The following PCDHGB4 variants were observed in gnomAD, a reference collection of about 807,000 sequenced individuals.
PCDHGB4 encodes the protein protocadherin gamma-B4.
A neutral mutation model predicts 60.5 loss-of-function variants in PCDHGB4; 38 were observed. That is an observed-to-expected ratio of 0.63 (90% confidence interval 0.48 to 0.82). The LOEUF is 0.82. Among genes scored for constraint, PCDHGB4 ranks in the 40% least tolerant of loss-of-function variants. The pLI is 0.00. For missense variants in PCDHGB4, 1,109 were observed against 1,209.6 expected (o/e 0.92, Z 1.23); for synonymous variants, 456 against 509.7 (o/e 0.89, Z 1.42).
intron 1 of PCDHGB4, among the ~76,000 whole-genome samples, chr5:141,435,698 A>G (rs954167256): frequency 1.3e-5 from 2 of 152,184 alleles, no homozygotes; most frequent in African/African-American, 4.8e-5. Context: ...CTTATTGTAG[A>G]GTGGTTACAG....
intron 1 of PCDHGB4, among the ~76,000 whole-genome samples, chr5:141,435,547 G>T (rs2097769325): frequency 6.6e-6 from 1 of 152,114 alleles, no homozygotes. Context: ...AACAAAATGT[G>T]TTTTGAGTGC....
chr5:141,485,279 C>T lies in PCDHGB4; in HGVS notation c.2398-9528C>T. 1 of 1,614,108 alleles carries T rather than the reference C, an allele frequency of 6.2e-7. No individual in the cohort carries two copies. Among genetic ancestry groups the T allele is most frequent in the Non-Finnish European group, 8.5e-7 (1 of 1,179,966 alleles). ...TTGTGGGCAGATCCGCTACCCGGTC[C>T]CAGAGGAGTCACAGGAAGGGACTTT... On this transcript the variant is annotated intron_variant, in intron 1 of 3. Transcript: ENST00000519479. The surrounding 1 kb of genome is among the most constrained non-coding windows in gnomAD (Gnocchi z 5.7).
rs1488446232 is a variant in PCDHGB4, at chr5:141,493,171, A to G, written c.2398-1636A>G. On this transcript the variant is annotated intron_variant, in intron 1 of 3. Coordinates refer to ENST00000519479, the MANE Select transcript of PCDHGB4 (RefSeq NM_003736.4). This position sits in a 1 kb window ranked among gnomAD's most constrained non-coding sequence, Gnocchi z 4.3. ...GGTGATTTTGATAGCTGATTGAGAG[A>G]AACTTACTATATAACTCCTTTGAGA... is the stretch of plus-strand genomic sequence containing the variant. 6.6e-6 allele frequency among the ~76,000 whole-genome samples: 1 copy of G among 152,214 alleles called. No homozygotes were observed. The highest frequency in any genetic ancestry group is 1.5e-5 in the Non-Finnish European group (1 of 68,034).
chr5:141,400,590 T>G (rs775174347), intron 1 of PCDHGB4: 2 of 1,604,848 alleles, frequency 1.2e-6, no homozygotes, highest in South Asian at 1.1e-5. Flanking sequence ...CATGAAACTA[T>G]CGTACATTTT....
chr5:141,407,847 T>C (rs1236964962), intron 1 of PCDHGB4, among the ~76,000 whole-genome samples: 2 of 152,224 alleles, frequency 1.3e-5, no homozygotes, highest in African/African-American at 4.8e-5. Context: ...TTGAGGGGGA[T>C]GTACACCTGC....
At chr5:141,398,228 G>A (rs2150736860) in intron 1 of PCDHGB4, 1 of 1,475,144 alleles carries the variant, frequency 6.8e-7, no homozygotes, top group East Asian at 2.5e-5. Flanking sequence ...GAGCAGATCC[G>A]CTACAGGATT....
At position 141,485,305 on chromosome 5, in the gene PCDHGB4, T is replaced by C. The variant is rs1344645695; in HGVS notation, c.2398-9502T>C. The C allele has an allele frequency of 3.7e-6, 6 of 1,614,000 alleles. No individual in the cohort carries two copies. In the East Asian group the frequency reaches 1.3e-4, roughly 36 times the overall value. Reference sequence around the variant, plus strand: ...CAGAGGAGTCACAGGAAGGGACTTTTGTAGGGAATGTCGCTCAAGATTTCC... The same window carrying C: ...CAGAGGAGTCACAGGAAGGGACTTTCGTAGGGAATGTCGCTCAAGATTTCC... On this transcript the variant is annotated intron_variant, in intron 1 of 3. Coordinates refer to ENST00000519479, the MANE Select transcript of PCDHGB4 (RefSeq NM_003736.4). This position sits in a 1 kb window ranked among gnomAD's most constrained non-coding sequence, Gnocchi z 5.7.
In PCDHGB4 at chr5:141,485,423, C is replaced by A; in HGVS notation, c.2398-9384C>A. On this transcript the variant is annotated intron_variant, in intron 1 of 3. Transcript: ENST00000519479. This position sits in a 1 kb window ranked among gnomAD's most constrained non-coding sequence, Gnocchi z 5.7. Reference sequence around the variant, plus strand: ...CCGTGTGGATTTGGACAGCGGAGCCCTGCTCATCAAGAACCCAATCGACCG... The same window carrying A: ...CCGTGTGGATTTGGACAGCGGAGCCATGCTCATCAAGAACCCAATCGACCG... 1 of 1,614,204 alleles carries A rather than the reference C, an allele frequency of 6.2e-7. No homozygotes were observed. The highest frequency in any genetic ancestry group is 8.5e-7 in the Non-Finnish European group (1 of 1,180,036).
intron 1 of PCDHGB4, among the ~76,000 whole-genome samples, chr5:141,461,126 T>C (rs575819058): frequency 6.6e-6 from 1 of 152,260 alleles, no homozygotes; most frequent in Non-Finnish European, 1.5e-5. Flanking sequence ...TTTCATATAA[T>C]TACTTATTTT....
At chr5:141,403,864 A>C in intron 1 of PCDHGB4, 1 of 1,613,794 alleles carries the variant, frequency 6.2e-7, no homozygotes, top group Non-Finnish European at 8.5e-7. Flanking sequence ...TATCAACAGC[A>C]AAAAGTCTAG....
intron 1 of PCDHGB4, among the ~76,000 whole-genome samples, chr5:141,402,436 A>G (rs1441746239): frequency 2.6e-5 from 4 of 152,178 alleles, no homozygotes; most frequent in African/African-American, 9.6e-5. Flanking sequence ...GCATCATAAA[A>G]AGGAAATTAT....
chr5:141,484,375 G>C (rs188702244), intron 1 of PCDHGB4, among the ~76,000 whole-genome samples: 2 of 152,258 alleles, frequency 1.3e-5, no homozygotes, highest in African/African-American at 4.8e-5. Flanking sequence ...ACTAGCAAAT[G>C]TCTGAATAAG....
chr5:141,484,697 T>C (rs746981788), intron 1 of PCDHGB4, among the ~76,000 whole-genome samples: 11 of 151,988 alleles, frequency 7.2e-5, no homozygotes, highest in Non-Finnish European at 1.3e-4. Context: ...AGGCTGTGGC[T>C]GTTTTCCCCG....
chr5:141,442,052 G>T (rs2098295034), intron 1 of PCDHGB4: 1 of 197,576 alleles, frequency 5.1e-6, no homozygotes, highest in South Asian at 6.6e-5. Flanking sequence ...TACTGGTCGC[G>T]GTGCACTGCG....
chr5:141,414,908 G>A (rs758472270), intron 1 of PCDHGB4: 19 of 1,614,188 alleles, frequency 1.2e-5, no homozygotes, highest in Non-Finnish European at 1.6e-5. Flanking sequence ...GGTTCCACAG[G>A]CGTGGAGCTG....
chr5:141,490,775 A>G lies in PCDHGB4; in HGVS notation c.2398-4032A>G. 6 of 1,614,110 alleles carry G rather than the reference A, an allele frequency of 3.7e-6. No homozygotes were observed. Among genetic ancestry groups the G allele is most frequent in the Non-Finnish European group, 5.1e-6 (6 of 1,179,964 alleles). On this transcript the variant is annotated intron_variant, in intron 1 of 3. Transcript: ENST00000519479. The surrounding 1 kb of genome is among the most constrained non-coding windows in gnomAD (Gnocchi z 5.4). ...TCCTCCTTTGTGTATGTCAACCCAG[A>G]GGATGGACGGATCTTTGCCCAGCGT...
chr5:141,419,644 CG>C (rs1418985518), intron 1 of PCDHGB4: 2 of 1,612,396 alleles, frequency 1.2e-6, no homozygotes, highest in Non-Finnish European at 1.7e-6. Flanking sequence ...TGGCCGTGGA[CG>C]CGGACTCGGG....
rs1329435709 is a variant in PCDHGB4 at position 141,485,726 on chromosome 5, C to T, written c.2398-9081C>T. ...ACACTTTGCACTGGATGTGAAGAAGCGCAGCGACGGCAGCCTGGTCCCAGA... is the reference window on the plus strand; with the variant it reads ...ACACTTTGCACTGGATGTGAAGAAGTGCAGCGACGGCAGCCTGGTCCCAGA... On this transcript the variant is annotated intron_variant, in intron 1 of 3. Coordinates refer to ENST00000519479, the MANE Select transcript of PCDHGB4 (RefSeq NM_003736.4). This position sits in a 1 kb window ranked among gnomAD's most constrained non-coding sequence, Gnocchi z 5.7. 2 of 1,614,138 alleles carry T rather than the reference C, an allele frequency of 1.2e-6. No homozygotes were observed. The highest frequency in any genetic ancestry group is 8.5e-7 in the Non-Finnish European group (1 of 1,180,024).
At position 141,476,676 on chromosome 5, in the gene PCDHGB4, G is replaced by A. The variant is rs753538822; in HGVS notation, c.2398-18131G>A. The A allele has an allele frequency of 6.2e-7, 1 of 1,614,222 alleles. No individual in the cohort carries two copies. The highest frequency in any genetic ancestry group is 8.5e-7 in the Non-Finnish European group (1 of 1,180,054). On this transcript the variant is annotated intron_variant, in intron 1 of 3. Transcript: ENST00000519479. The surrounding 1 kb of genome is among the most constrained non-coding windows in gnomAD (Gnocchi z 7.6). ...TACTTTGCGCTTCGCGTGCAGACGC[G>A]GGAGGACAGCACCAAGTACGCGGAG...
Sources: gnomAD v4.1 joint callset for allele counts (sites outside exome capture counted in the v4.1 genomes callset) on GRCh38, gnomAD v4.1.1 for gene constraint, Gnocchi (gnomAD v3.1) non-coding constraint, MANE v1.5 for transcripts, NCBI Gene and HGNC (gene_info 2026-07-23, HGNC 2026-07-21) for gene names.